DNM3: variants seen among roughly 807,000 people sequenced by gnomAD.
DNM3 encodes the protein dynamin 3, also known as dynamin-3.
In DNM3, 47 loss-of-function variants were observed where a neutral mutation model predicts 101.6. The observed-to-expected ratio is 0.46, with a 90% CI of 0.37 to 0.59. The LOEUF (loss-of-function observed/expected upper bound fraction) is 0.59, where lower values mean the gene tolerates loss of function less well. Among genes scored for constraint, DNM3 ranks in the 20% least tolerant of loss-of-function variants. The pLI is 0.00. For synonymous variants in DNM3, 385 were observed against 387.9 expected (o/e 0.99, Z 0.09); for missense variants, 849 against 1,085.7 (o/e 0.78, Z 3.06).
intron 14 of DNM3, among the ~76,000 whole-genome samples, chr1:172,178,306 G>A (rs2059225239): frequency 6.6e-6 from 1 of 151,828 alleles, no homozygotes; most frequent in African/African-American, 2.4e-5. Flanking sequence ...CAACACACTG[G>A]TGTTAAAAAA....
At chr1:172,343,747 C>T (rs542361077) in intron 17 of DNM3, among the ~76,000 whole-genome samples, 1 of 152,152 alleles carries the variant, frequency 6.6e-6, no homozygotes, top group Non-Finnish European at 1.5e-5. Context: ...TTTAAGGAAG[C>T]CACAGTAGTT....
At chr1:172,084,148 C>G (rs2053361234) in intron 12 of DNM3, among the ~76,000 whole-genome samples, 1 of 152,120 alleles carries the variant, frequency 6.6e-6, no homozygotes, top group African/African-American at 2.4e-5. Flanking sequence ...CAGCCTTTCT[C>G]TATCTGTTTA....
At chr1:171,979,598 T>C (rs141444353) in intron 2 of DNM3, among the ~76,000 whole-genome samples, 127 of 152,320 alleles carry the variant, frequency 8.3e-4, no homozygotes, top group African/African-American at 2.7e-3. Context: ...TGGATACTTG[T>C]GGTAGAATAT....
At chr1:172,035,288 G>C (rs1439950662) in intron 6 of DNM3, among the ~76,000 whole-genome samples, 2 of 152,132 alleles carry the variant, frequency 1.3e-5, no homozygotes, top group Non-Finnish European at 2.9e-5. Context: ...CATCCAAGAG[G>C]AGAAGTCAAT....
At chr1:172,061,297 T>G (rs2051173310) in intron 10 of DNM3, among the ~76,000 whole-genome samples, 1 of 145,486 alleles carries the variant, frequency 6.9e-6, no homozygotes, top group Non-Finnish European at 1.5e-5. Flanking sequence ...TGGCGATTCC[T>G]CAGGGATCTA....
At chr1:172,076,563 A>G (rs796932299) in intron 11 of DNM3, among the ~76,000 whole-genome samples, 6 of 152,146 alleles carry the variant, frequency 3.9e-5, no homozygotes, top group African/African-American at 1.4e-4. Flanking sequence ...TTCTCCATCT[A>G]TTGAGATAAT....
At chr1:172,147,266 G>A (rs190837962) in intron 14 of DNM3, among the ~76,000 whole-genome samples, 1 of 152,084 alleles carries the variant, frequency 6.6e-6, no homozygotes, top group Admixed American at 6.6e-5. Flanking sequence ...TAAAAAGTTG[G>A]TCATTCTGCT....
intron 3 of DNM3, 116 bp downstream of exon 3, chr1:171,987,921 G>T: frequency 2.0e-6 from 2 of 979,166 alleles, no homozygotes; most frequent in East Asian, 2.8e-5. Flanking sequence ...GGTATCCTTT[G>T]GATACTGCCC....
At chr1:171,883,339 C>T (rs2036453784) in intron 1 of DNM3, among the ~76,000 whole-genome samples, 2 of 142,964 alleles carry the variant, frequency 1.4e-5, no homozygotes, top group Admixed American at 1.4e-4. Context: ...AGTGAGACTC[C>T]ATCTCTAAAA....
chr1:172,233,326 G>T (rs1022595401), intron 14 of DNM3, among the ~76,000 whole-genome samples: 19 of 151,928 alleles, frequency 1.3e-4, no homozygotes, highest in Admixed American at 5.3e-4. Flanking sequence ...TACACCCTCA[G>T]AAGACTAAAC....
intron 17 of DNM3, among the ~76,000 whole-genome samples, chr1:172,354,110 TGTGAGAGA>T (rs2067321194): frequency 3.8e-5 from 2 of 52,512 alleles, no homozygotes. Flanking sequence ...TGTGTGTGTG[TGTGAGAGA>T]GAGAGAGAGA....
At chr1:171,846,946 T>C (rs571432585) in intron 1 of DNM3, among the ~76,000 whole-genome samples, 6 of 152,238 alleles carry the variant, frequency 3.9e-5, no homozygotes, top group East Asian at 3.9e-4. Flanking sequence ...CCCATGTCAA[T>C]AGGGGAGAAA....
At chr1:172,051,001 C>T (rs2050168586) in intron 10 of DNM3, among the ~76,000 whole-genome samples, 1 of 152,130 alleles carries the variant, frequency 6.6e-6, no homozygotes, top group Non-Finnish European at 1.5e-5. Context: ...TTGCTCTCTA[C>T]CCTTTCCATT....
In DNM3 at chr1:171,935,769, CTTTTTTTTTTTT is replaced by C. The variant is rs551030808; in HGVS notation, c.235+13964_235+13975del. ...AATTGGCAAATACTACAAATCAAAA[CTTTTTTTTTTTT>C]TTTTTTTTTTTTTTTGCCTCTAGGG... is the stretch of plus-strand genomic sequence containing the variant. On this transcript the variant is annotated intron_variant, in intron 2 of 20. Transcript: ENST00000627582. Among the ~76,000 whole-genome samples, 27 of 48,020 alleles carry C rather than the reference CTTTTTTTTTTTT, an allele frequency of 5.6e-4. 1 individual carries two copies. The East Asian group carries it at 6.8e-3, about 12-fold the overall frequency. The allele number at this position is 48,020 out of a possible 152,430, so 31.5% of individuals were successfully genotyped here. A position where few individuals can be genotyped will look rare whatever the true frequency, so the allele number is the denominator to read the frequency against.
chr1:172,258,134 G>A (rs925593144), intron 15 of DNM3, among the ~76,000 whole-genome samples: 30 of 152,036 alleles, frequency 2.0e-4, no homozygotes, highest in African/African-American at 6.5e-4. Flanking sequence ...TTTTATGGCA[G>A]ATAGTATTCC....
chr1:171,842,214 TC>T (rs1259545129), intron 1 of DNM3, among the ~76,000 whole-genome samples: 1 of 152,086 alleles, frequency 6.6e-6, no homozygotes, highest in Non-Finnish European at 1.5e-5. Flanking sequence ...TCTCCTGTTT[TC>T]CCAGCTCAAC....
chr1:172,263,023 G>A (rs1557899432), intron 15 of DNM3, among the ~76,000 whole-genome samples: 1 of 152,112 alleles, frequency 6.6e-6, no homozygotes, highest in African/African-American at 2.4e-5. Flanking sequence ...TGGAGCTTTG[G>A]CATGTAAAAT....
In DNM3 at chr1:172,388,617, G is replaced by A. The variant is rs1490120038; in HGVS notation, c.2330G>A (p.Ser777Asn). 1 of 1,613,890 alleles carries A rather than the reference G, an allele frequency of 6.2e-7. No homozygotes were observed. The highest frequency in any genetic ancestry group is 8.5e-7 in the Non-Finnish European group (1 of 1,179,904). Residue 777 changes from serine (S) to asparagine (N), a missense_variant, in exon 20 of 21, where the codon AGT becomes AAT. This residue lies in a region of DNM3 where 256 missense variants were observed against 311.7 expected (regional missense o/e 0.82). Transcript: ENST00000627582. ...ACAACCCAAAGGAGGCCAACACTAA[G>A]TGCTCCCCTCGCAAGGCCCACATCC... ...SPTTQRRPTL[S>N]APLARPTSGR...
chr1:172,277,562 C>T (rs910568787), intron 15 of DNM3, among the ~76,000 whole-genome samples: 1 of 151,924 alleles, frequency 6.6e-6, no homozygotes, highest in African/African-American at 2.4e-5. Flanking sequence ...ATAGAAAACA[C>T]ACTACTGATG....
Sources: gnomAD v4.1 joint callset for allele counts (sites outside exome capture counted in the v4.1 genomes callset) on GRCh38, gnomAD v4.1.1 for gene constraint, gnomAD v4.1.1 regional missense constraint, MANE v1.5 for transcripts, NCBI Gene and HGNC (gene_info 2026-07-23, HGNC 2026-07-21) for gene names.